The following CDC20B variants were observed in gnomAD, a reference collection of about 807,000 sequenced individuals.
CDC20B encodes the protein cell division cycle protein 20 homolog B.
CDC20B carries 58 observed loss-of-function variants against 64.1 expected under a neutral mutation model. That is an observed-to-expected ratio of 0.90 (90% CI 0.73 to 1.13). The LOEUF is 1.13. Among genes scored for constraint, CDC20B ranks in the 50% most tolerant of loss-of-function variants. The probability of loss-of-function intolerance (pLI) is 0.00; values close to 1 mark genes in which losing one functional copy is unlikely to be tolerated. For missense variants in CDC20B, 597 were observed against 633.0 expected (o/e 0.94, Z 0.61); for synonymous variants, 243 against 230.6 (o/e 1.05, Z -0.49).
chr5:55,151,659 G>A (rs1186413363), intron 2 of CDC20B, among the ~76,000 whole-genome samples: 3 of 152,180 alleles, frequency 2.0e-5, no homozygotes, highest in Non-Finnish European at 4.4e-5. Context: ...CTGAGTTTCT[G>A]TGATTCGTCT....
Position 55,114,040 on chromosome 5 carries a change from T to A in CDC20B, c.*178A>T. 8.8e-7 allele frequency: 1 copy of A among 1,130,840 alleles called. No individual in the cohort carries two copies. Among genetic ancestry groups the A allele is most frequent in the Non-Finnish European group, 1.2e-6 (1 of 836,496 alleles). 70.1% of individuals were successfully genotyped at this position (1,130,840 alleles called of 1,614,324 possible). ...GAAAGCAGAGAAGAAAAGAAGCGGA[T>A]CTCTGGGAAGCAGAGCAAGTAAAGC... is the stretch of plus-strand genomic sequence containing the variant. On this transcript the variant is annotated 3_prime_UTR_variant, in exon 12 of 12. Coordinates refer to ENST00000381375, the MANE Select transcript of CDC20B (RefSeq NM_001170402.1). The surrounding 1 kb of genome is among the most constrained non-coding windows in gnomAD (Gnocchi z 4.1).
At chr5:55,123,502 A>T (rs1303483597) in intron 9 of CDC20B, among the ~76,000 whole-genome samples, 1 of 152,210 alleles carries the variant, frequency 6.6e-6, no homozygotes, top group Admixed American at 6.5e-5. Flanking sequence ...GCACATGTCA[A>T]CCTGCAAAGT....
At position 55,124,799 on chromosome 5, in the gene CDC20B, T is replaced by C. The variant is rs778056521; in HGVS notation, c.1215+4A>G. The stretch of plus-strand genomic sequence containing the variant: ...GAAACCTAGAAATCTATTGGGTTTC[T>C]TACCTTGACTGCCGTAGACTGGGTT... On this transcript the variant is annotated splice_donor_region_variant and intron_variant, in intron 9 of 11. Transcript: ENST00000381375. The C allele has an allele frequency of 6.2e-7, 1 of 1,611,922 alleles. No individual in the cohort carries two copies. Among genetic ancestry groups the C allele is most frequent in the Non-Finnish European group, 8.5e-7 (1 of 1,178,204 alleles).
Position 55,127,246 on chromosome 5 carries a change from A to G in CDC20B, c.989+11T>C. The G allele has an allele frequency of 6.2e-7, 1 of 1,608,542 alleles. No individual in the cohort carries two copies. Among genetic ancestry groups the G allele is most frequent in the Non-Finnish European group, 8.5e-7 (1 of 1,174,990 alleles). ...TACAAACATAACTGTCTCCAACAAG[A>G]CGCTTCTTACCTGCTGAGGATAAAG... is the stretch of plus-strand genomic sequence containing the variant. On this transcript the variant is annotated intron_variant, in intron 8 of 11. Transcript: ENST00000381375.
At chr5:55,164,196 T>C (rs1278584202) in intron 2 of CDC20B, 2 of 1,556,060 alleles carry the variant, frequency 1.3e-6, no homozygotes, top group Non-Finnish European at 1.7e-6. Flanking sequence ...CAAGTGATCA[T>C]AAAAAAGAAA....
chr5:55,139,192 G>A (rs58599409), intron 5 of CDC20B, among the ~76,000 whole-genome samples: 1,844 of 151,914 alleles, frequency 0.012, 33 homozygotes, highest in African/African-American at 0.043. Flanking sequence ...AGCAACAGTG[G>A]ATACTAGAAA....
chr5:55,128,688 A>G (rs1742956124), intron 6 of CDC20B, 71 bp from the exon 7 acceptor site: 10 of 1,146,190 alleles, frequency 8.7e-6, no homozygotes, highest in Admixed American at 3.0e-5. Flanking sequence ...AAACAACTTT[A>G]TAGGTAGGGG....
At chr5:55,161,089 C>T in intron 2 of CDC20B, 13 of 1,614,226 alleles carry the variant, frequency 8.1e-6, no homozygotes, top group Non-Finnish European at 1.0e-5. Context: ...GACCATCCCA[C>T]TTCAGCGTGT....
chr5:55,141,818 T>G (rs1265168426), intron 4 of CDC20B, among the ~76,000 whole-genome samples: 1 of 152,208 alleles, frequency 6.6e-6, no homozygotes, highest in South Asian at 2.1e-4. Flanking sequence ...AATTCATTGT[T>G]GTGGGAGCTG....
intron 2 of CDC20B, chr5:55,170,542 A>G (rs942498321): frequency 3.7e-6 from 2 of 534,706 alleles, no homozygotes; most frequent in African/African-American, 1.9e-5. Context: ...TGTATATGCA[A>G]TAAGACAGCA....
rs377483931 is a variant in CDC20B, at chr5:55,131,128, C to A, written c.697+2284G>T. Among the ~76,000 whole-genome samples, 10 of 152,002 alleles carry A rather than the reference C, an allele frequency of 6.6e-5. No homozygotes were observed. In the South Asian group the frequency reaches 1.5e-3, roughly 22 times the overall value. ...AGCCTGGGTGACAGAGTGAAAACCT[C>A]CCTCAAAACCTCCCTCAAAAAACAA... On this transcript the variant is annotated intron_variant, in intron 6 of 11. Coordinates refer to ENST00000381375, the MANE Select transcript of CDC20B (RefSeq NM_001170402.1).
At chr5:55,160,819 A>G in intron 2 of CDC20B, 1 of 616,638 alleles carries the variant, frequency 1.6e-6, no homozygotes. Flanking sequence ...TCAGGGCCTT[A>G]ACCCAGGCAT....
chr5:55,140,509 A>G (rs1487939585), intron 4 of CDC20B, 102 bp from the exon 5 acceptor site: 1 of 680,700 alleles, frequency 1.5e-6, no homozygotes, highest in Non-Finnish European at 2.4e-6. Context: ...TTCACTAAGG[A>G]GTTCAAAGAT....
chr5:55,157,264 C>T (rs1283499017), intron 2 of CDC20B, among the ~76,000 whole-genome samples: 1 of 152,130 alleles, frequency 6.6e-6, no homozygotes, highest in East Asian at 1.9e-4. Flanking sequence ...ATAGACAGAA[C>T]ATGAAAACAA....
At chr5:55,148,276 T>C (rs766156161) in intron 2 of CDC20B, among the ~76,000 whole-genome samples, 31 of 152,222 alleles carry the variant, frequency 2.0e-4, no homozygotes, top group Non-Finnish European at 4.0e-4. Flanking sequence ...TCCCTGGTGT[T>C]GAAGGTGCCA....
At chr5:55,139,430 A>G (rs1287679406) in intron 5 of CDC20B, among the ~76,000 whole-genome samples, 1 of 152,222 alleles carries the variant, frequency 6.6e-6, no homozygotes, top group Non-Finnish European at 1.5e-5. Context: ...GAAAGGGAGG[A>G]CATCAAGGAA....
intron 5 of CDC20B, chr5:55,135,802 TA>T (rs1232299421): frequency 3.3e-5 from 5 of 150,874 alleles, no homozygotes; most frequent in Admixed American, 1.3e-4. Context: ...TCTTTAGTAT[TA>T]GTGTATTCTA....
rs187136098 is a variant in CDC20B at position 55,140,995 on chromosome 5, A to T, written c.487-588T>A. Among the ~76,000 whole-genome samples, 12 of 152,340 alleles carry T rather than the reference A, an allele frequency of 7.9e-5. No homozygotes were observed. The East Asian group carries it at 2.3e-3, about 29-fold the overall frequency. Reference sequence around the variant, plus strand: ...GTGATAAATGATTAAAGCAGAGAAGATTCTGTTTTGCTTCTTCACAATAAA... The same window carrying T: ...GTGATAAATGATTAAAGCAGAGAAGTTTCTGTTTTGCTTCTTCACAATAAA... On this transcript the variant is annotated intron_variant, in intron 4 of 11. Transcript: ENST00000381375.
intron 2 of CDC20B, among the ~76,000 whole-genome samples, chr5:55,168,267 G>C (rs186951754): frequency 2.1e-4 from 32 of 152,180 alleles, no homozygotes; most frequent in Non-Finnish European, 3.1e-4. Context: ...CACTATAATA[G>C]TGACAGGTTC....
Sources: allele counts gnomAD v4.1 joint callset (sites outside exome capture counted in the v4.1 genomes callset), GRCh38; gene constraint gnomAD v4.1.1; non-coding constraint Gnocchi (gnomAD v3.1); transcripts MANE v1.5; gene names NCBI Gene and HGNC (gene_info 2026-07-23, HGNC 2026-07-21).